GPHN: variants seen among roughly 807,000 people sequenced by gnomAD.
GPHN encodes gephyrin.
GPHN carries 17 observed loss-of-function variants against 95.5 expected under a neutral mutation model. The ratio of observed to expected loss-of-function variants is 0.18; its 90% CI spans 0.12 to 0.27. The LOEUF is 0.27. Among genes scored for constraint, GPHN ranks in the 10% least tolerant of loss-of-function variants. The pLI, the probability that GPHN is intolerant of heterozygous loss-of-function variation, is 1.00. For missense variants in GPHN, 660 were observed against 978.1 expected (o/e 0.67, Z 4.34); for synonymous variants, 320 against 322.5 (o/e 0.99, Z 0.08).
the GPHN span, chr14:67,203,370 T>C: frequency 1.7e-6 from 2 of 1,210,298 alleles, no homozygotes; most frequent in Non-Finnish European, 2.3e-6. Flanking sequence ...ACGGAAACAC[T>C]GATGACAATT....
At chr14:66,717,838 CAG>C (rs1266948650) in intron 2 of GPHN, among the ~76,000 whole-genome samples, 1 of 152,200 alleles carries the variant, frequency 6.6e-6, no homozygotes, top group Non-Finnish European at 1.5e-5. Flanking sequence ...GTTGTCTGCA[CAG>C]AGTCCTGTGA....
the GPHN span, among the ~76,000 whole-genome samples, chr14:67,248,591 T>C: frequency 2.6e-5 from 4 of 152,180 alleles, no homozygotes; most frequent in Non-Finnish European, 4.4e-5. Flanking sequence ...ACGTTGAAAT[T>C]TTGAGGCCTC....
chr14:67,607,562 T>A, the GPHN span, among the ~76,000 whole-genome samples: 1 of 152,314 alleles, frequency 6.6e-6, no homozygotes, highest in Admixed American at 6.5e-5. Flanking sequence ...AGATGGGGTT[T>A]CACCATGTTG....
chr14:66,873,939 C>T (rs1035537749), intron 4 of GPHN, among the ~76,000 whole-genome samples: 7 of 152,232 alleles, frequency 4.6e-5, no homozygotes, highest in African/African-American at 1.7e-4. Flanking sequence ...GGGTCCCTGA[C>T]CCCCATGCCT....
the GPHN span, among the ~76,000 whole-genome samples, chr14:67,233,511 A>G: frequency 6.6e-6 from 1 of 152,230 alleles, no homozygotes; most frequent in Non-Finnish European, 1.5e-5. Context: ...GCAAAGCCTC[A>G]GATAATCTGC....
At chr14:67,562,233 G>A in the GPHN span, 2 of 1,612,470 alleles carry the variant, frequency 1.2e-6, no homozygotes, top group Non-Finnish European at 1.7e-6. Flanking sequence ...CAGCCTATGG[G>A]CCAGGACAGT....
At chr14:67,673,169 C>T in the GPHN span, among the ~76,000 whole-genome samples, 1 of 152,232 alleles carries the variant, frequency 6.6e-6, no homozygotes, top group Admixed American at 6.5e-5. Context: ...ATGGCAAAAC[C>T]CTGTCTCTAC....
chr14:66,657,367 AG>A (rs1213560811), intron 1 of GPHN, among the ~76,000 whole-genome samples: 2 of 152,236 alleles, frequency 1.3e-5, no homozygotes, highest in Non-Finnish European at 2.9e-5. Context: ...GTGATTTAAA[AG>A]TTGCAGCAAG....
intron 1 of GPHN, among the ~76,000 whole-genome samples, chr14:66,658,468 G>A (rs1324820913): frequency 1.3e-5 from 2 of 152,142 alleles, no homozygotes; most frequent in Admixed American, 1.3e-4. Flanking sequence ...ACATGGTACA[G>A]AGAAGTATTT....
At chr14:66,740,417 T>C (rs570337321) in intron 2 of GPHN, among the ~76,000 whole-genome samples, 1 of 152,194 alleles carries the variant, frequency 6.6e-6, no homozygotes, top group African/African-American at 2.4e-5. Context: ...TAACGATACA[T>C]ATAAAAAGAA....
chr14:66,799,109 T>C (rs2060257775), intron 3 of GPHN, among the ~76,000 whole-genome samples: 1 of 152,018 alleles, frequency 6.6e-6, no homozygotes, highest in Admixed American at 6.6e-5. Flanking sequence ...AATTTCTATA[T>C]ATTTGTATAG....
intron 1 of GPHN, among the ~76,000 whole-genome samples, chr14:66,631,568 A>G (rs920928620): frequency 6.6e-6 from 1 of 152,168 alleles, no homozygotes; most frequent in African/African-American, 2.4e-5. Context: ...TTGACTATGT[A>G]AATAATTGTA....
At chr14:66,727,255 T>C (rs1295887902) in intron 2 of GPHN, among the ~76,000 whole-genome samples, 4 of 152,238 alleles carry the variant, frequency 2.6e-5, no homozygotes, top group African/African-American at 9.6e-5. Context: ...TTAAGTCCAT[T>C]AAATCTCTTT....
intron 8 of GPHN, among the ~76,000 whole-genome samples, chr14:66,934,741 A>G (rs2067013949): frequency 6.6e-6 from 1 of 152,242 alleles, no homozygotes; most frequent in African/African-American, 2.4e-5. Flanking sequence ...GAAGTTTAAA[A>G]GAGATACTGG....
At chr14:67,203,624 T>C in the GPHN span, among the ~76,000 whole-genome samples, 128 of 152,296 alleles carry the variant, frequency 8.4e-4, 1 homozygote, top group Non-Finnish European at 1.5e-3. Context: ...ACTAACTTGG[T>C]CTATGATCAT....
chr14:66,643,683 T>C (rs1001834394), intron 1 of GPHN, among the ~76,000 whole-genome samples: 2 of 151,650 alleles, frequency 1.3e-5, no homozygotes, highest in Admixed American at 1.3e-4. Flanking sequence ...AAAATTAATA[T>C]ATAGTGTTAG....
intron 4 of GPHN, among the ~76,000 whole-genome samples, chr14:66,849,901 A>G (rs2062505634): frequency 6.6e-6 from 1 of 152,114 alleles, no homozygotes. Flanking sequence ...TTAACATACC[A>G]GTACTCAATT....
the GPHN span, among the ~76,000 whole-genome samples, chr14:67,460,994 C>G: frequency 1.3e-5 from 2 of 152,126 alleles, no homozygotes; most frequent in Non-Finnish European, 2.9e-5. Context: ...GATGAGAAAA[C>G]TTGTGTGTAG....
At chr14:67,269,461 T>C in the GPHN span, among the ~76,000 whole-genome samples, 2 of 152,186 alleles carry the variant, frequency 1.3e-5, no homozygotes, top group Non-Finnish European at 2.9e-5. Flanking sequence ...CAATGTGTTA[T>C]TGGAAAGTTT....
Sources: gnomAD v4.1 joint callset for allele counts (sites outside exome capture counted in the v4.1 genomes callset) on GRCh38, gnomAD v4.1.1 for gene constraint, MANE v1.5 for transcripts, NCBI Gene and HGNC (gene_info 2026-07-23, HGNC 2026-07-21) for gene names.